Variants in NRXN3 observed in about 807,000 individuals in gnomAD.
The protein encoded by NRXN3 is neurexin III.
A neutral mutation model predicts 137.6 loss-of-function variants in NRXN3; 32 were observed. The ratio of observed to expected loss-of-function variants is 0.23; its 90% confidence interval spans 0.18 to 0.31. NRXN3 has a LOEUF of 0.31. NRXN3 is among the 10% of genes least tolerant of loss of function. The probability of loss-of-function intolerance (pLI) is 1.00; values close to 1 mark genes in which losing one functional copy is unlikely to be tolerated. For missense variants in NRXN3, 1,574 were observed against 2,062.5 expected (o/e 0.76, Z 4.59); for synonymous variants, 798 against 784.5 (o/e 1.02, Z -0.29).
At chr14:79,093,248 T>C (rs2049558150) in intron 15 of NRXN3, among the ~76,000 whole-genome samples, 1 of 152,094 alleles carries the variant, frequency 6.6e-6, no homozygotes, top group Non-Finnish European at 1.5e-5. Context: ...CAAGAAGACA[T>C]CTAATTGGAA....
At chr14:79,127,741 T>C (rs1323890751) in intron 15 of NRXN3, among the ~76,000 whole-genome samples, 1 of 152,110 alleles carries the variant, frequency 6.6e-6, no homozygotes, top group Non-Finnish European at 1.5e-5. Context: ...ATGGGGATGG[T>C]ATTGAATCTG....
chr14:79,267,132 G>A (rs756078153), intron 15 of NRXN3, among the ~76,000 whole-genome samples: 20 of 152,188 alleles, frequency 1.3e-4, no homozygotes, highest in Non-Finnish European at 2.4e-4. Flanking sequence ...TTGCAAAGTA[G>A]GCATGTTGAC....
At chr14:79,544,275 G>A (rs762949527) in intron 16 of NRXN3, among the ~76,000 whole-genome samples, 2 of 152,092 alleles carry the variant, frequency 1.3e-5, no homozygotes, top group Admixed American at 6.6e-5. Context: ...CAAAGTAGGC[G>A]AGCACAGGCT....
chr14:78,372,258 A>G (rs1216209430), intron 4 of NRXN3, among the ~76,000 whole-genome samples: 1 of 150,864 alleles, frequency 6.6e-6, no homozygotes, highest in African/African-American at 2.4e-5. Context: ...TGGTGGTTGC[A>G]TGGTCACCAA....
At chr14:78,818,332 G>A (rs1427795745) in intron 10 of NRXN3, among the ~76,000 whole-genome samples, 10 of 152,100 alleles carry the variant, frequency 6.6e-5, no homozygotes, top group Admixed American at 6.5e-4. Flanking sequence ...TAATTGCTAA[G>A]TAAGTGAATG....
At chr14:79,033,548 T>C (rs943132113) in intron 15 of NRXN3, among the ~76,000 whole-genome samples, 4 of 152,088 alleles carry the variant, frequency 2.6e-5, no homozygotes, top group African/African-American at 9.7e-5. Context: ...AAGTAATATA[T>C]GGAATCAGGA....
intron 19 of NRXN3, among the ~76,000 whole-genome samples, chr14:79,733,787 G>A (rs530393033): frequency 3.4e-4 from 52 of 151,982 alleles, no homozygotes; most frequent in Non-Finnish European, 7.2e-4. Context: ...CAATATGCAA[G>A]AGGGTAGAAA....
intron 18 of NRXN3, 58 bp downstream of exon 18, chr14:79,692,320 A>G: frequency 1.6e-6 from 2 of 1,243,050 alleles, no homozygotes; most frequent in East Asian, 2.4e-5. Flanking sequence ...CTCATTTTTA[A>G]AGCCTGCAAA....
chr14:78,684,975 G>A (rs1242212766), intron 6 of NRXN3, among the ~76,000 whole-genome samples: 1 of 152,186 alleles, frequency 6.6e-6, no homozygotes, highest in Non-Finnish European at 1.5e-5. Context: ...TGTGCCTAAT[G>A]TATGAAAGGC....
chr14:78,292,468 T>G (rs966274473), intron 3 of NRXN3, among the ~76,000 whole-genome samples: 6 of 152,178 alleles, frequency 3.9e-5, no homozygotes, highest in Non-Finnish European at 7.4e-5. Context: ...GGGTGGAATA[T>G]ATTAACAGGA....
intron 3 of NRXN3, among the ~76,000 whole-genome samples, chr14:78,290,674 T>C (rs1228144521): frequency 6.6e-6 from 1 of 152,172 alleles, no homozygotes; most frequent in Non-Finnish European, 1.5e-5. Flanking sequence ...AGGTTTTTTC[T>C]AACCCTTCCC....
At chr14:79,599,991 T>C (rs2097905241) in intron 16 of NRXN3, among the ~76,000 whole-genome samples, 1 of 152,174 alleles carries the variant, frequency 6.6e-6, no homozygotes, top group Non-Finnish European at 1.5e-5. Context: ...TGAGAATCTG[T>C]CTCAAAAAAT....
chr14:79,845,345 A>C (rs2099364870), intron 20 of NRXN3, among the ~76,000 whole-genome samples: 1 of 152,246 alleles, frequency 6.6e-6, no homozygotes, highest in African/African-American at 2.4e-5. Flanking sequence ...TGTTTGGCCC[A>C]AAAGGCCTAG....
chr14:78,768,500 A>G (rs1228243285), intron 8 of NRXN3, among the ~76,000 whole-genome samples: 1 of 152,216 alleles, frequency 6.6e-6, no homozygotes, highest in Non-Finnish European at 1.5e-5. Flanking sequence ...TTTTGGCAAG[A>G]CCTTGTTTCT....
At chr14:78,290,167 T>G (rs2153516908) in intron 3 of NRXN3, among the ~76,000 whole-genome samples, 1 of 152,302 alleles carries the variant, frequency 6.6e-6, no homozygotes, top group South Asian at 2.1e-4. Context: ...AAGGTGAGAC[T>G]TTTGAACATT....
At chr14:79,163,664 C>T (rs1316213951) in intron 15 of NRXN3, among the ~76,000 whole-genome samples, 37 of 151,674 alleles carry the variant, frequency 2.4e-4, no homozygotes, top group Admixed American at 2.4e-3. Context: ...AGCAAATGTC[C>T]CCTGGTATAA....
chr14:79,152,024 A>G (rs897933385), intron 15 of NRXN3, among the ~76,000 whole-genome samples: 2 of 152,030 alleles, frequency 1.3e-5, no homozygotes, highest in African/African-American at 4.8e-5. Flanking sequence ...GACATATTTC[A>G]TCCCCAGTTT....
intron 16 of NRXN3, among the ~76,000 whole-genome samples, chr14:79,617,002 C>T (rs538460711): frequency 2.0e-5 from 3 of 152,048 alleles, no homozygotes; most frequent in African/African-American, 7.2e-5. Context: ...GTCCTGATCT[C>T]ATAGGCCTGA....
At chr14:79,700,880 T>G (rs1053753047) in intron 19 of NRXN3, among the ~76,000 whole-genome samples, 3 of 152,074 alleles carry the variant, frequency 2.0e-5, no homozygotes, top group African/African-American at 7.2e-5. Context: ...GATCCTACAT[T>G]GAGAAGGATA....
Sources: gnomAD v4.1 joint callset for allele counts (sites outside exome capture counted in the v4.1 genomes callset) on GRCh38, gnomAD v4.1.1 for gene constraint, MANE v1.5 for transcripts, NCBI Gene and HGNC (gene_info 2026-07-23, HGNC 2026-07-21) for gene names.